PLIN4: variants seen among roughly 807,000 people sequenced by gnomAD.
PLIN4 encodes perilipin-4.
PLIN4 carries 57 observed loss-of-function variants against 52.4 expected under a neutral mutation model. That is an observed-to-expected ratio of 1.09 (90% confidence interval 0.88 to 1.36). The LOEUF is 1.36. Ranked by LOEUF, PLIN4 falls within the 40% of genes most tolerant of loss-of-function variation. PLIN4 has a pLI of 0.00. For missense variants in PLIN4, 1,757 were observed against 1,770.3 expected (o/e 0.99, Z 0.13); for synonymous variants, 826 against 785.4 (o/e 1.05, Z -0.86).
rs1475802719 is a variant in PLIN4 at position 4,517,704 on chromosome 19, T to TG, written c.52-7dup. 6.3e-7 allele frequency: 1 copy of TG among 1,578,694 alleles called. No homozygotes were observed. Among genetic ancestry groups the TG allele is most frequent in the African/African-American group, 1.3e-5 (1 of 74,342 alleles). ...CCAAAGAAGCTGCCCAGGGTCTGCA[T>TG]GGGGGCGGGGGGTGTGCAGGATGAG... On this transcript the variant is annotated splice_polypyrimidine_tract_variant and splice_region_variant and intron_variant, in intron 2 of 7. Coordinates refer to ENST00000301286, the MANE Select transcript of PLIN4 (RefSeq NM_001367868.2).
rs7251858 is a variant in PLIN4 at position 4,510,548 on chromosome 19, C to T, written c.3412G>A (p.Ala1138Thr). 0.32 allele frequency: 481,024 copies of T among 1,492,110 alleles called. 80,008 individuals are homozygous for T. The highest frequency in any genetic ancestry group is 0.54 in the East Asian group (23,320 of 42,848). 92.4% of individuals were successfully genotyped at this position (1,492,110 alleles called of 1,614,324 possible). A position where few individuals can be genotyped will look rare whatever the true frequency, so the allele number is the denominator to read the frequency against. Residue 1138 changes from alanine to threonine, a missense_variant, in exon 5 of 8, where the codon GCC becomes ACC. Physicochemically the swap from Ala to Thr is moderately conservative, Grantham distance 58. This residue lies in a region of PLIN4 where 712 missense variants were observed against 637.1 expected (regional missense o/e 1.12). Coordinates refer to ENST00000301286, the MANE Select transcript of PLIN4 (RefSeq NM_001367868.2). ...GCTTCTTCGGGGCCGTGTGTGGTGGCCAAAAGCCCCGTGTCCTCCCTGCCT... is the reference window on the plus strand; with the variant it reads ...GCTTCTTCGGGGCCGTGTGTGGTGGTCAAAAGCCCCGTGTCCTCCCTGCCT... ...APGREDTGLL[A>T]TTHGPEEAPR...
rs1322559189 is a variant in PLIN4, at chr19:4,502,438, A to C, written c.*2021T>G. The C allele has an allele frequency of 6.1e-6, 2 of 330,006 alleles. No homozygotes were observed. Among genetic ancestry groups the C allele is most frequent in the African/African-American group, 4.5e-5 (2 of 44,782 alleles). The allele number at this position is 330,006 out of a possible 1,614,324, so 20.4% of individuals were successfully genotyped here. On this transcript the variant is annotated 3_prime_UTR_variant, in exon 8 of 8. Transcript: ENST00000301286. ...GGAGACAAGAGGGACAAACCAGGGC[A>C]TCTAAGCTGTGCTGCCTGCGCCCTG...
rs751867450 is a variant in PLIN4 at position 4,508,970 on chromosome 19, G to GCA, written c.3515-17_3515-16dup. 4.4e-6 allele frequency: 7 copies of GCA among 1,603,804 alleles called. No individual in the cohort carries two copies. In the Admixed American group the frequency reaches 1.0e-4, roughly 23 times the overall value. ...AGCCAGCTGAGCTGGAAAGGAAGGC[G>GCA]CACCGCTCAGTCCCGGAAGCCCCTC... On this transcript the variant is annotated splice_polypyrimidine_tract_variant and intron_variant, in intron 5 of 7. Coordinates refer to ENST00000301286, the MANE Select transcript of PLIN4 (RefSeq NM_001367868.2).
chr19:4,515,280 T>G (rs1219462061), intron 4 of PLIN4, among the ~76,000 whole-genome samples: 1 of 152,036 alleles, frequency 6.6e-6, no homozygotes, highest in East Asian at 1.9e-4. Flanking sequence ...TTTGTTTGTT[T>G]GTTTTTTGAA....
In PLIN4 at chr19:4,512,305, C is replaced by T; in HGVS notation, c.1655G>A (p.Gly552Glu). Reference sequence around the variant, plus strand: ...CACAGACTTGGTGGTGTCCAGGCCCCCCTGGACGGCCCCTTTGGCCACGTT... The same window carrying T: ...CACAGACTTGGTGGTGTCCAGGCCCTCCTGGACGGCCCCTTTGGCCACGTT... ...AVNVAKGAVQ[G>E]GLDTTKSVVI... The change falls in exon 5 of 8, where the codon GGG becomes GAG. Residue 552 changes from glycine to glutamate, a missense_variant. By Grantham distance (98) the Gly-to-Glu change is moderately conservative. Coordinates refer to ENST00000301286, the MANE Select transcript of PLIN4 (RefSeq NM_001367868.2). 6.3e-7 allele frequency: 1 copy of T among 1,584,628 alleles called. No homozygotes were observed. The highest frequency in any genetic ancestry group is 8.6e-7 in the Non-Finnish European group (1 of 1,168,814).
chr19:4,504,448 GGCTCCTACAGCTACT>G lies in PLIN4; in HGVS notation c.4112_*10del, dbSNP rs1182150387. ...AGGGCGACCCCGCGCCGGGCCTGCA[GGCTCCTACAGCTACT>G]GCCCGCCAGCGGGCAAGGCGAAGGG... On this transcript the variant is annotated stop_lost and 3_prime_UTR_variant, in exon 8 of 8. Transcript: ENST00000301286. 6.5e-6 allele frequency: 10 copies of G among 1,549,716 alleles called. No individual in the cohort carries two copies. The highest frequency in any genetic ancestry group is 7.0e-6 in the Non-Finnish European group (8 of 1,147,366).
chr19:4,505,166 G>C (rs1034792214), intron 6 of PLIN4, among the ~76,000 whole-genome samples: 2 of 152,158 alleles, frequency 1.3e-5, no homozygotes, highest in African/African-American at 4.8e-5. Context: ...GTAACACAGT[G>C]TCTGTGGGGT....
Position 4,510,757 on chromosome 19 carries a change from G to A in PLIN4, c.3203C>T (p.Thr1068Ile), listed in dbSNP as rs1385766316. 6.4e-7 allele frequency: 1 copy of A among 1,563,314 alleles called. No homozygotes were observed. Among genetic ancestry groups the A allele is most frequent in the South Asian group, 1.2e-5 (1 of 83,376 alleles). Residue 1068 changes from threonine to isoleucine, a missense_variant, in exon 5 of 8, where the codon ACC becomes ATC. This residue lies in a region of PLIN4 where 712 missense variants were observed against 637.1 expected (regional missense o/e 1.12). Transcript: ENST00000301286. ...STPATSWGGL[T>I]SSRTTDNGGE... ...ACCATTGTCTGTGGTCCTGGAACTG[G>A]TGAGTCCACCCCAGGAGGTGGCGGG...
chr19:4,507,736 C>T (rs149765165), intron 6 of PLIN4, among the ~76,000 whole-genome samples: 106 of 152,256 alleles, frequency 7.0e-4, no homozygotes, highest in Non-Finnish European at 1.0e-3. Context: ...GAGATTTCTG[C>T]CTCCCGGGCT....
At position 4,513,448 on chromosome 19, in the gene PLIN4, G is replaced by A. The variant is rs527463190; in HGVS notation, c.512C>T (p.Thr171Met). The change falls in exon 5 of 8, where the codon ACG (threonine) becomes ATG (methionine). Residue 171 changes from threonine to methionine, a missense_variant. This residue lies in a region of PLIN4 where 332 missense variants were observed against 310.8 expected (regional missense o/e 1.07). Coordinates refer to ENST00000301286, the MANE Select transcript of PLIN4 (RefSeq NM_001367868.2). Reference sequence around the variant, plus strand: ...TGCCCCCGTGAGCCCAGTGGACACCGTGTCCTTGGTGCCGGTGAGGACAGC... The same window carrying A: ...TGCCCCCGTGAGCCCAGTGGACACCATGTCCTTGGTGCCGGTGAGGACAGC... Reference protein sequence around the residue: ...SKAVLTGTKDTVSTGLTGAVN... With the variant: ...SKAVLTGTKDMVSTGLTGAVN... 84 of 1,613,472 alleles carry A rather than the reference G, an allele frequency of 5.2e-5. No individual in the cohort carries two copies. Among genetic ancestry groups the A allele is most frequent in the South Asian group, 4.5e-4 (41 of 91,086 alleles).
intron 5 of PLIN4, among the ~76,000 whole-genome samples, chr19:4,510,154 CAA>C: frequency 6.6e-6 from 1 of 152,206 alleles, no homozygotes; most frequent in South Asian, 2.1e-4. Flanking sequence ...ATCACGAGGT[CAA>C]GAGATCGAGA....
intron 4 of PLIN4, among the ~76,000 whole-genome samples, chr19:4,515,187 A>T (rs1304766691): frequency 6.6e-6 from 1 of 151,942 alleles, no homozygotes; most frequent in Non-Finnish European, 1.5e-5. Context: ...AGATAAAAAA[A>T]AATTAAAAAA....
intron 2 of PLIN4, 112 bp from the exon 3 acceptor site, chr19:4,517,810 T>G: frequency 4.4e-6 from 6 of 1,370,668 alleles, no homozygotes; most frequent in Non-Finnish European, 5.9e-6. Flanking sequence ...TGCTCCTGGG[T>G]GACCTCAGGA....
In PLIN4 at chr19:4,504,344, A is replaced by G. The variant is rs1017539128; in HGVS notation, c.*115T>C. The G allele has an allele frequency of 9.1e-6, 10 of 1,100,990 alleles. No homozygotes were observed. The highest frequency in any genetic ancestry group is 1.2e-5 in the Non-Finnish European group (10 of 803,160). 68.2% of individuals were successfully genotyped at this position (1,100,990 alleles called of 1,614,324 possible). A position where few individuals can be genotyped will look rare whatever the true frequency, so the allele number is the denominator to read the frequency against. On this transcript the variant is annotated 3_prime_UTR_variant, in exon 8 of 8. Coordinates refer to ENST00000301286, the MANE Select transcript of PLIN4 (RefSeq NM_001367868.2). The stretch of plus-strand genomic sequence containing the variant: ...CGGCGCTCAGCCAGCTGCAGCCCCA[A>G]AGGTCTAGGGCTTTAGGGAACCGAT...
intron 5 of PLIN4, among the ~76,000 whole-genome samples, chr19:4,510,081 G>A (rs995229077): frequency 6.6e-6 from 1 of 151,542 alleles, no homozygotes; most frequent in Non-Finnish European, 1.5e-5. Context: ...AAAAGTCAAG[G>A]GCCCAGCTGG....
chr19:4,514,898 G>A (rs140922676), intron 4 of PLIN4, among the ~76,000 whole-genome samples: 3,685 of 148,878 alleles, frequency 0.025, 150 homozygotes, highest in African/African-American at 0.087. Flanking sequence ...AAAACAGGCC[G>A]GGCACGGTGG....
In PLIN4 at chr19:4,511,982, C is replaced by T. The variant is rs770863550; in HGVS notation, c.1978G>A (p.Ala660Thr). The T allele has an allele frequency of 2.1e-5, 34 of 1,604,980 alleles. No individual in the cohort carries two copies. The highest frequency in any genetic ancestry group is 1.9e-4 in the African/African-American group (14 of 72,390). Residue 660 changes from alanine to threonine, a missense_variant, in exon 5 of 8, where the codon GCG becomes ACG. Ala to Thr is a moderately conservative substitution (Grantham distance 58). Coordinates refer to ENST00000301286, the MANE Select transcript of PLIN4 (RefSeq NM_001367868.2). ...QTGLKTTQNI[A>T]TGTKNTFGSG... Reference sequence around the variant, plus strand: ...CCAAAGGTGTTCTTTGTACCTGTCGCGATATTTTGGGTCGTTTTCAGCCCA... The same window carrying T: ...CCAAAGGTGTTCTTTGTACCTGTCGTGATATTTTGGGTCGTTTTCAGCCCA...
At chr19:4,509,058 C>G (rs946451540) in intron 5 of PLIN4, 103 bp from the exon 6 acceptor site, 1 of 1,169,976 alleles carries the variant, frequency 8.5e-7, no homozygotes, top group Non-Finnish European at 1.2e-6. Flanking sequence ...GCCTGTGATC[C>G]CAGCACTCTG....
In PLIN4 at chr19:4,508,973, C is replaced by A; in HGVS notation, c.3515-18G>T. ...CAGCTGAGCTGGAAAGGAAGGCGCACCGCTCAGTCCCGGAAGCCCCTCAGG... is the reference window on the plus strand; with the variant it reads ...CAGCTGAGCTGGAAAGGAAGGCGCAACGCTCAGTCCCGGAAGCCCCTCAGG... On this transcript the variant is annotated intron_variant, in intron 5 of 7. Transcript: ENST00000301286. The A allele has an allele frequency of 6.3e-7, 1 of 1,599,878 alleles. No individual in the cohort carries two copies. The highest frequency in any genetic ancestry group is 8.5e-7 in the Non-Finnish European group (1 of 1,173,738).
Sources: gnomAD v4.1 joint callset for allele counts (sites outside exome capture counted in the v4.1 genomes callset) on GRCh38, gnomAD v4.1.1 for gene constraint, gnomAD v4.1.1 regional missense constraint, MANE v1.5 for transcripts, NCBI Gene and HGNC (gene_info 2026-07-23, HGNC 2026-07-21) for gene names.